ADAMTSL1: variants seen among roughly 807,000 people sequenced by gnomAD.
ADAMTSL1 encodes the protein ADAMTS-like protein 1.
Under a neutral mutation model 201.8 loss-of-function variants are expected in ADAMTSL1, and 126 were observed. That is an observed-to-expected ratio of 0.62 (90% CI 0.54 to 0.72). ADAMTSL1 has a LOEUF of 0.72. Ranked by LOEUF, ADAMTSL1 falls within the 30% of genes least tolerant of loss-of-function variation. The pLI is 0.00. For missense variants in ADAMTSL1, 2,679 were observed against 2,277.8 expected, an observed-to-expected ratio of 1.18 and a Z score of -3.59; for synonymous variants, 1,121 against 903.4, an observed-to-expected ratio of 1.24 and a Z score of -4.32.
At chr9:18,832,043 G>T (rs1563839242) in intron 23 of ADAMTSL1, among the ~76,000 whole-genome samples, 2 of 152,284 alleles carry the variant, frequency 1.3e-5, no homozygotes, top group East Asian at 3.9e-4. Context: ...TCAGATGTCT[G>T]TTCAGAAACA....
intron 4 of ADAMTSL1, among the ~76,000 whole-genome samples, chr9:18,602,907 T>A (rs1824752648): frequency 6.6e-6 from 1 of 152,218 alleles, no homozygotes; most frequent in Admixed American, 6.5e-5. Flanking sequence ...GAGTTTTCTC[T>A]GAATTTTTGA....
chr9:18,796,734 T>G lies in ADAMTSL1; in HGVS notation c.3805+1210T>G, dbSNP rs551616716. On this transcript the variant is annotated intron_variant, in intron 20 of 28. Transcript: ENST00000380548. The stretch of plus-strand genomic sequence containing the variant: ...ACTGATATTATTAATGCCTATTTTT[T>G]GTGAATAAAACATTTGCTTTTCTTC... 5.4e-4 allele frequency: 83 copies of G among 152,380 alleles called. 3 individuals carry two copies. The highest frequency in any genetic ancestry group is 1.8e-3 in the African/African-American group (74 of 41,596). The allele number at this position is 152,380 out of a possible 1,614,324, so 9.4% of individuals were successfully genotyped here. A position where few individuals can be genotyped will look rare whatever the true frequency, so the allele number is the denominator to read the frequency against.
At chr9:18,442,200 C>A (rs894416176) in intron 2 of ADAMTSL1, among the ~76,000 whole-genome samples, 1 of 152,130 alleles carries the variant, frequency 6.6e-6, no homozygotes, top group African/African-American at 2.4e-5. Context: ...TTGGTTTAAA[C>A]TTTAAAGGGA....
At chr9:18,868,328 T>C (rs1323140666) in intron 23 of ADAMTSL1, among the ~76,000 whole-genome samples, 3 of 152,236 alleles carry the variant, frequency 2.0e-5, no homozygotes, top group Non-Finnish European at 2.9e-5. Flanking sequence ...GTCCTCATTA[T>C]GTATTACATT....
chr9:18,464,767 C>A (rs1391902250), intron 2 of ADAMTSL1, among the ~76,000 whole-genome samples: 1 of 152,132 alleles, frequency 6.6e-6, no homozygotes, highest in Non-Finnish European at 1.5e-5. Context: ...ATTGAAAGCT[C>A]ATTTAGCGTA....
intron 3 of ADAMTSL1, among the ~76,000 whole-genome samples, chr9:18,558,035 A>G (rs115007489): frequency 0.019 from 2,947 of 152,048 alleles, 83 homozygotes; most frequent in African/African-American, 0.062. Flanking sequence ...TATACTTTAA[A>G]TACTGGGATA....
chr9:18,762,018 G>A (rs1039586464), intron 16 of ADAMTSL1, among the ~76,000 whole-genome samples: 11 of 152,254 alleles, frequency 7.2e-5, no homozygotes, highest in African/African-American at 2.2e-4. Context: ...CAGCCCATCA[G>A]CTGGATGCCT....
intron 23 of ADAMTSL1, among the ~76,000 whole-genome samples, chr9:18,858,638 C>G (rs888080038): frequency 1.3e-5 from 2 of 152,204 alleles, no homozygotes; most frequent in Non-Finnish European, 2.9e-5. Flanking sequence ...CCTCTGTGCT[C>G]CACGGTGCAG....
At chr9:18,475,188 T>C (rs1821390247) in intron 1 of ADAMTSL1, among the ~76,000 whole-genome samples, 1 of 152,192 alleles carries the variant, frequency 6.6e-6, no homozygotes, top group Admixed American at 6.5e-5. Flanking sequence ...TCCAAACAAA[T>C]GTGATTGTAG....
intron 1 of ADAMTSL1, among the ~76,000 whole-genome samples, chr9:18,486,558 G>A (rs6475221): frequency 0.59 from 89,584 of 151,842 alleles, 26,708 homozygotes; most frequent in African/African-American, 0.67. Flanking sequence ...TGCAAAAATT[G>A]GACAGGCATG....
chr9:17,985,441 A>G (rs1563934068), intron 1 of ADAMTSL1, among the ~76,000 whole-genome samples: 2 of 152,176 alleles, frequency 1.3e-5, no homozygotes, highest in Admixed American at 6.5e-5. Context: ...AAATAGGCAG[A>G]TTTAACCACA....
rs200971374 is a variant in ADAMTSL1 at position 18,777,229 on chromosome 9, G to C, written c.3000G>C (p.Gly1000=). 1 of 1,612,758 alleles carries C rather than the reference G, an allele frequency of 6.2e-7. No homozygotes were observed. The highest frequency in any genetic ancestry group is 2.2e-5 in the East Asian group (1 of 44,860). The change falls in exon 19 of 29, where the codon GGG becomes GGC. Residue 1000 remains glycine (G), a synonymous_variant. Coordinates refer to ENST00000380548, the MANE Select transcript of ADAMTSL1 (RefSeq NM_001040272.6). ...TGCAGACCCACAAACACCAGAACGGGATCTTCTCCAACGGCAGCAAGGCGG... is the reference window on the plus strand; with the variant it reads ...TGCAGACCCACAAACACCAGAACGGCATCTTCTCCAACGGCAGCAAGGCGG... ...EALQTHKHQN[G]IFSNGSKAEK...
At chr9:18,781,532 C>G (rs577028602) in intron 19 of ADAMTSL1, among the ~76,000 whole-genome samples, 24 of 152,294 alleles carry the variant, frequency 1.6e-4, no homozygotes, top group Admixed American at 3.9e-4. Context: ...CTGCACAGAT[C>G]ATGCAGGAGG....
At chr9:18,104,895 G>A (rs565545083) in intron 1 of ADAMTSL1, among the ~76,000 whole-genome samples, 2 of 152,124 alleles carry the variant, frequency 1.3e-5, no homozygotes, top group South Asian at 4.2e-4. Flanking sequence ...CTTATATGAG[G>A]CTTCAAACTA....
At chr9:18,171,980 G>C (rs964166756) in intron 2 of ADAMTSL1, among the ~76,000 whole-genome samples, 1 of 152,026 alleles carries the variant, frequency 6.6e-6, no homozygotes, top group Non-Finnish European at 1.5e-5. Flanking sequence ...CCAAAGATCA[G>C]ATGGTTGTAG....
intron 1 of ADAMTSL1, among the ~76,000 whole-genome samples, chr9:18,103,535 A>G (rs1042751093): frequency 6.6e-6 from 1 of 152,188 alleles, no homozygotes; most frequent in African/African-American, 2.4e-5. Context: ...ATACAAAACC[A>G]TCCCAGTTTC....
At position 18,234,145 on chromosome 9, in the gene ADAMTSL1, C is replaced by T. The variant is rs114031389; in HGVS notation, c.207+70164C>T. 4.5e-3 allele frequency among the ~76,000 whole-genome samples: 684 copies of T among 152,170 alleles called. 4 individuals carry two copies. Among genetic ancestry groups the T allele is most frequent in the African/African-American group, 0.016 (656 of 41,518 alleles). ...ATGTGGGGGGTGAGAGTGAGAAAAA[C>T]GAGGGACTCCAATATGATCCCACAT... On this transcript the variant is annotated intron_variant, in intron 2 of 29. Coordinates refer to the ADAMTSL1 transcript ENST00000680146.
intron 1 of ADAMTSL1, among the ~76,000 whole-genome samples, chr9:18,151,795 A>G (rs941693294): frequency 3.2e-4 from 48 of 152,024 alleles, no homozygotes. Flanking sequence ...GATAAATAAT[A>G]ATATGCTGTG....
At chr9:17,989,581 T>C (rs1050900970) in intron 1 of ADAMTSL1, among the ~76,000 whole-genome samples, 1 of 152,074 alleles carries the variant, frequency 6.6e-6, no homozygotes, top group Non-Finnish European at 1.5e-5. Flanking sequence ...ATGCACACTT[T>C]AAAGCCTTTT....
Sources: gnomAD v4.1 joint callset for allele counts (sites outside exome capture counted in the v4.1 genomes callset) on GRCh38, gnomAD v4.1.1 for gene constraint, MANE v1.5 for transcripts, NCBI Gene and HGNC (gene_info 2026-07-23, HGNC 2026-07-21) for gene names.